CMIP: variants seen among roughly 807,000 people sequenced by gnomAD.
CMIP encodes C-Maf-inducing protein.
A neutral mutation model predicts 97.3 loss-of-function variants in CMIP; 13 were observed. The ratio of observed to expected loss-of-function variants is 0.13; its 90% CI spans 0.09 to 0.21. The LOEUF (loss-of-function observed/expected upper bound fraction) is 0.21, where lower values mean the gene tolerates loss of function less well. CMIP is among the 10% of genes least tolerant of loss of function. The pLI is 1.00. For synonymous variants in CMIP, 538 were observed against 436.3 expected, an observed-to-expected ratio of 1.23 and a Z score of -2.91; for missense variants, 847 against 1,024.9, an observed-to-expected ratio of 0.83 and a Z score of 2.37.
At chr16:81,626,786 A>AGTGTGTGTGT (rs749221024) in intron 3 of CMIP, among the ~76,000 whole-genome samples, 5 of 102,508 alleles carry the variant, frequency 4.9e-5, no homozygotes, top group African/African-American at 2.0e-4. Flanking sequence ...AGAGAGAGAG[A>AGTGTGTGTGT]GAGTGTGTGT....
chr16:81,501,832 G>C (rs1243945759), intron 1 of CMIP, among the ~76,000 whole-genome samples: 2 of 152,052 alleles, frequency 1.3e-5, no homozygotes, highest in Non-Finnish European at 2.9e-5. Flanking sequence ...AGCTGGTCTC[G>C]AACTCCTGAC....
In CMIP at chr16:81,678,371, C is replaced by G. The variant is rs1257278657; in HGVS notation, c.1131C>G (p.Ser377Arg). 6.2e-7 allele frequency: 1 copy of G among 1,612,744 alleles called. No homozygotes were observed. The highest frequency in any genetic ancestry group is 8.5e-7 in the Non-Finnish European group (1 of 1,179,466). The change falls in exon 10 of 21, where the codon AGC (serine) becomes AGG (arginine). Residue 377 changes from serine to arginine, a missense_variant. Transcript: ENST00000537098. ...PTLPLRLLHP[S>R]PDLVSQEATL... The stretch of plus-strand genomic sequence containing the variant: ...TACCTCTGCGCCTTCTGCACCCCAG[C>G]CCGGACCTGGTGTCTCAGGAAGCCA...
intron 1 of CMIP, among the ~76,000 whole-genome samples, chr16:81,493,123 T>A (rs2089431341): frequency 6.6e-6 from 1 of 152,070 alleles, no homozygotes. Context: ...TTCCTGCCCC[T>A]CCAGGGTCTT....
intron 19 of CMIP, 79 bp downstream of exon 19, chr16:81,705,683 A>G (rs749659367): frequency 4.3e-6 from 4 of 925,094 alleles, no homozygotes; most frequent in Non-Finnish European, 6.7e-6. Context: ...CTGGCCAAGC[A>G]CTGACTTTGC....
chr16:81,576,035 G>C (rs1176881961), intron 1 of CMIP, among the ~76,000 whole-genome samples: 1 of 152,132 alleles, frequency 6.6e-6, no homozygotes, highest in Non-Finnish European at 1.5e-5. Flanking sequence ...CAACCCTCTA[G>C]GGTAGATACT....
intron 1 of CMIP, among the ~76,000 whole-genome samples, chr16:81,493,716 G>A (rs921676028): frequency 1.3e-5 from 2 of 152,188 alleles, no homozygotes; most frequent in African/African-American, 2.4e-5. Context: ...ACAAACTGCC[G>A]AATATGAGGG....
chr16:81,598,190 A>G (rs531878496), intron 1 of CMIP, among the ~76,000 whole-genome samples: 1 of 152,238 alleles, frequency 6.6e-6, no homozygotes, highest in South Asian at 2.1e-4. Flanking sequence ...ATCGCCTACA[A>G]CAGAGCTGAC....
chr16:81,706,932 G>C, intron 19 of CMIP, 82 bp from the exon 20 acceptor site: 5 of 1,194,930 alleles, frequency 4.2e-6, no homozygotes, highest in Non-Finnish European at 6.2e-6. Context: ...CACCTGCATT[G>C]AGCTCCTCCA....
At chr16:81,539,703 A>G (rs144384546) in intron 1 of CMIP, among the ~76,000 whole-genome samples, 159 of 152,282 alleles carry the variant, frequency 1.0e-3, no homozygotes, top group Non-Finnish European at 1.3e-3. Flanking sequence ...GTTCCTGCTA[A>G]GAGCAAGACT....
chr16:81,642,259 G>C (rs1471984896), intron 3 of CMIP, among the ~76,000 whole-genome samples: 1 of 152,210 alleles, frequency 6.6e-6, no homozygotes, highest in Non-Finnish European at 1.5e-5. Context: ...CCTTCAGCCA[G>C]ACTGGGAGTG....
intron 1 of CMIP, among the ~76,000 whole-genome samples, chr16:81,539,122 TG>T (rs1351192721): frequency 6.6e-6 from 1 of 152,222 alleles, no homozygotes. Context: ...TCATATTAGC[TG>T]GGGATATCCC....
chr16:81,679,372 G>T (rs1904632587), intron 10 of CMIP, among the ~76,000 whole-genome samples: 1 of 152,082 alleles, frequency 6.6e-6, no homozygotes, highest in Non-Finnish European at 1.5e-5. Flanking sequence ...CATTTGTGCT[G>T]TAGGGTTAGA....
chr16:81,537,788 C>T (rs1013971597), intron 1 of CMIP, among the ~76,000 whole-genome samples: 1 of 152,182 alleles, frequency 6.6e-6, no homozygotes, highest in Non-Finnish European at 1.5e-5. Flanking sequence ...ATTTCAGGAG[C>T]CTCCCGCTTT....
chr16:81,468,518 G>A (rs1474282073), intron 1 of CMIP, among the ~76,000 whole-genome samples: 1 of 152,264 alleles, frequency 6.6e-6, no homozygotes, highest in Non-Finnish European at 1.5e-5. Context: ...TGCGCGTGCC[G>A]TGCCCTCTGT....
chr16:81,670,312 A>G (rs920340452), intron 8 of CMIP, 67 bp downstream of exon 8: 1 of 1,498,522 alleles, frequency 6.7e-7, no homozygotes. Context: ...CTGTTTACTC[A>G]GATATCCACG....
chr16:81,676,470 A>G (rs1449836504), intron 9 of CMIP, among the ~76,000 whole-genome samples: 1 of 152,070 alleles, frequency 6.6e-6, no homozygotes, highest in East Asian at 1.9e-4. Flanking sequence ...ATCTGAGCCA[A>G]ACAGCCTTGA....
At chr16:81,650,156 A>G (rs1339963401) in intron 3 of CMIP, among the ~76,000 whole-genome samples, 1 of 151,848 alleles carries the variant, frequency 6.6e-6, no homozygotes, top group Non-Finnish European at 1.5e-5. Context: ...TTCACTGTAC[A>G]CTCACCCCCG....
intron 1 of CMIP, among the ~76,000 whole-genome samples, chr16:81,510,331 C>A (rs2089787205): frequency 6.6e-6 from 1 of 152,174 alleles, no homozygotes; most frequent in Admixed American, 6.5e-5. Flanking sequence ...CTCATCACTT[C>A]ATCACTGATG....
At chr16:81,489,136 G>A (rs1386954957) in intron 1 of CMIP, among the ~76,000 whole-genome samples, 5 of 152,222 alleles carry the variant, frequency 3.3e-5, no homozygotes, top group African/African-American at 1.2e-4. Context: ...CTGGTCCAAG[G>A]CCTTGGGGAG....
Sources: allele counts gnomAD v4.1 joint callset (sites outside exome capture counted in the v4.1 genomes callset), GRCh38; gene constraint gnomAD v4.1.1; transcripts MANE v1.5; gene names NCBI Gene and HGNC (gene_info 2026-07-23, HGNC 2026-07-21).